The following SMG5 variants were observed in gnomAD, a reference collection of about 807,000 sequenced individuals.
The protein encoded by SMG5 is SMG5 nonsense mediated mRNA decay factor, also known as nonsense-mediated mRNA decay factor SMG5.
SMG5 carries 53 observed loss-of-function variants against 122.9 expected under a neutral mutation model. The observed-to-expected ratio is 0.43, with a 90% confidence interval of 0.35 to 0.54. The LOEUF (loss-of-function observed/expected upper bound fraction) is 0.54. Ranked by LOEUF, SMG5 falls within the 20% of genes least tolerant of loss-of-function variation. The probability of loss-of-function intolerance (pLI) is 0.01; values close to 1 mark genes in which losing one functional copy is unlikely to be tolerated. For missense variants in SMG5, 1,153 were observed against 1,285.6 expected, an observed-to-expected ratio of 0.90 and a Z score of 1.58; for synonymous variants, 477 against 490.2, an observed-to-expected ratio of 0.97 and a Z score of 0.35.
upstream of SMG5, chr1:156,285,827 G>A (rs764107814): frequency 1.2e-6 from 2 of 1,613,624 alleles, no homozygotes; most frequent in South Asian, 1.1e-5. Context: ...GCTAAGGGCT[G>A]TGGCCTCCGT....
intron 7 of SMG5, among the ~76,000 whole-genome samples, chr1:156,271,587 T>C (rs980978140): frequency 6.8e-6 from 1 of 146,838 alleles, no homozygotes; most frequent in East Asian, 2.0e-4. Context: ...TTTTTTTTTT[T>C]TTTTGAGATG....
the SMG5 span, among the ~76,000 whole-genome samples, chr1:156,288,046 C>G: frequency 6.6e-6 from 1 of 151,726 alleles, no homozygotes; most frequent in Non-Finnish European, 1.5e-5. Flanking sequence ...AACCCCGTCT[C>G]TATTAAAAAT....
Position 156,251,485 on chromosome 1 carries a change from G to A in SMG5, c.2754-8C>T. ...TTCTGGCAGCGAATGTACCTGCAGAGGAGATGTGCGAGTGGAGGTCAGGAG... is the reference window on the plus strand; with the variant it reads ...TTCTGGCAGCGAATGTACCTGCAGAAGAGATGTGCGAGTGGAGGTCAGGAG... On this transcript the variant is annotated splice_region_variant and splice_polypyrimidine_tract_variant and intron_variant, in intron 19 of 21. Transcript: ENST00000361813. The A allele has an allele frequency of 6.2e-7, 1 of 1,613,566 alleles. No homozygotes were observed.
At chr1:156,267,343 CCAAG>C (rs971023056) in intron 10 of SMG5, 123 bp downstream of exon 10, 5 of 941,568 alleles carry the variant, frequency 5.3e-6, no homozygotes, top group South Asian at 3.2e-5. Flanking sequence ...TTGCCCACAG[CCAAG>C]CAGTGACACA....
chr1:156,289,436 G>A, the SMG5 span, among the ~76,000 whole-genome samples: 2 of 152,140 alleles, frequency 1.3e-5, no homozygotes, highest in Admixed American at 6.5e-5. Flanking sequence ...GTGAAACCAC[G>A]TCTCTACTAA....
rs1661704272 is a variant in SMG5 at position 156,259,154 on chromosome 1, G to A, written c.2293C>T (p.Arg765Cys). 1.9e-6 allele frequency: 3 copies of A among 1,580,502 alleles called. No homozygotes were observed. The South Asian group carries it at 3.5e-5, about 19-fold the overall frequency. The change falls in exon 16 of 22, where the codon CGC becomes TGC. Residue 765 changes from arginine to cysteine, a missense_variant. Around this residue, in one of 5 missense-constraint regions of SMG5, gnomAD observed 631 missense variants for 650.6 expected, o/e 0.97. Transcript: ENST00000361813. ...CCAAAGCTGCGGATGCAGCAGATGC[G>A]CACCACTGACTGTGGGGAGATACAG... ...LLSTLEESVV[R>C]ICCIRSFGHF...
At position 156,260,167 on chromosome 1, in the gene SMG5, T is replaced by A. The variant is rs1352718922; in HGVS notation, c.2283+284A>T. Among the ~76,000 whole-genome samples the A allele has an allele frequency of 2.0e-5, 3 of 152,080 alleles. No homozygotes were observed. In the South Asian group the frequency reaches 6.2e-4, roughly 32 times the overall value. The stretch of plus-strand genomic sequence containing the variant: ...ACTGATAAAGATTTCGAAGCCCTAA[T>A]AACTATTTGTTCTGCCCTTTACAGA... On this transcript the variant is annotated intron_variant, in intron 15 of 21. Transcript: ENST00000361813.
At position 156,266,537 on chromosome 1, in the gene SMG5, C is replaced by CCA; in HGVS notation, c.1255+2_1255+3dup. On this transcript the variant is annotated splice_donor_region_variant and intron_variant, in intron 11 of 21. Transcript: ENST00000361813. ...CATAGTGATGACCTCCCCGATTCTC[C>CCA]CACCTGTGCCATCACTCTGGAATGC... The CCA allele has an allele frequency of 6.2e-7, 1 of 1,614,154 alleles. No individual in the cohort carries two copies. The highest frequency in any genetic ancestry group is 8.5e-7 in the Non-Finnish European group (1 of 1,180,022).
the SMG5 span, among the ~76,000 whole-genome samples, chr1:156,289,398 G>A: frequency 2.0e-5 from 3 of 152,220 alleles, no homozygotes; most frequent in Non-Finnish European, 2.9e-5. Context: ...CACCAGGTCA[G>A]GAGATCGAGA....
At position 156,250,675 on chromosome 1, in the gene SMG5, G is replaced by A. The variant is rs1158562245; in HGVS notation, c.2968-5C>T. ...GGCAGCGGCCTGCAGGGCTGCCTGT[G>A]GAATGGGAGAAGGAAAGATGGAGAG... On this transcript the variant is annotated splice_polypyrimidine_tract_variant and splice_region_variant and intron_variant, in intron 21 of 21. Transcript: ENST00000361813. 2 of 1,613,964 alleles carry A rather than the reference G, an allele frequency of 1.2e-6. No individual in the cohort carries two copies. The highest frequency in any genetic ancestry group is 3.3e-5 in the Admixed American group (2 of 60,026).
rs1403160648 is a variant in SMG5 at position 156,250,955 on chromosome 1, A to G, written c.2870T>C (p.Leu957Pro). The G allele has an allele frequency of 6.2e-7, 1 of 1,614,072 alleles. No individual in the cohort carries two copies. The highest frequency in any genetic ancestry group is 1.1e-5 in the South Asian group (1 of 91,078). ...ATCCTCCTCACCTGCCCCCTGGGCC[A>G]GAGTCAGCTGTTTGCAGCTGTCTAG... ...KILDSCKQLT[L>P]AQGAGEEDPS... Residue 957 changes from leucine (L) to proline (P), a missense_variant, in exon 21 of 22, where the codon CTG becomes CCG. Physicochemically the swap from Leu to Pro is moderately conservative, Grantham distance 98. Coordinates refer to ENST00000361813, the MANE Select transcript of SMG5 (RefSeq NM_015327.3).
intron 12 of SMG5, among the ~76,000 whole-genome samples, chr1:156,265,407 A>G (rs1228444126): frequency 6.6e-6 from 1 of 152,142 alleles, no homozygotes; most frequent in Non-Finnish European, 1.5e-5. Context: ...CTCAGGAGAG[A>G]AGTCTCACTC....
In SMG5 at chr1:156,272,317, C is replaced by T. The variant is rs747321841; in HGVS notation, c.713+3G>A. 6.3e-7 allele frequency: 1 copy of T among 1,590,316 alleles called. No individual in the cohort carries two copies. Among genetic ancestry groups the T allele is most frequent in the Admixed American group, 1.7e-5 (1 of 57,772 alleles). ...GCTGGAAAAAGAGCTGGCAAATACT[C>T]ACCAGCGCAGGTAGCAATACATGGC... On this transcript the variant is annotated splice_donor_region_variant and intron_variant, in intron 7 of 21. Coordinates refer to ENST00000361813, the MANE Select transcript of SMG5 (RefSeq NM_015327.3).
chr1:156,262,138 T>A (rs1661872777), intron 13 of SMG5, among the ~76,000 whole-genome samples: 2 of 152,072 alleles, frequency 1.3e-5, no homozygotes, highest in African/African-American at 4.8e-5. Context: ...GGCAGGCAGA[T>A]CACTTGAGGT....
rs1202068556 is a variant in SMG5, at chr1:156,282,762, G to A, written c.-82C>T. 1.4e-6 allele frequency: 2 copies of A among 1,409,498 alleles called. No individual in the cohort carries two copies. Among genetic ancestry groups the A allele is most frequent in the Non-Finnish European group, 1.9e-6 (2 of 1,054,214 alleles). The allele number at this position is 1,409,498 out of a possible 1,614,324, so 87.3% of individuals were successfully genotyped here. On this transcript the variant is annotated 5_prime_UTR_variant, in exon 1 of 22. Coordinates refer to ENST00000361813, the MANE Select transcript of SMG5 (RefSeq NM_015327.3). Reference sequence around the variant, plus strand: ...GCCAACACTGCCGTCTCCGGCCGTAGCCGCAGCCGCCGCCGCCACCGGCCC... The same window carrying A: ...GCCAACACTGCCGTCTCCGGCCGTAACCGCAGCCGCCGCCGCCACCGGCCC...
At chr1:156,261,724 C>T (rs1661846891) in intron 13 of SMG5, among the ~76,000 whole-genome samples, 1 of 151,906 alleles carries the variant, frequency 6.6e-6, no homozygotes, top group Admixed American at 6.6e-5. Flanking sequence ...CCCATCCCTA[C>T]TAAAAATACA....
At chr1:156,283,287 G>T (rs895713966), upstream of SMG5, among the ~76,000 whole-genome samples, 4 of 152,200 alleles carry the variant, frequency 2.6e-5, no homozygotes, top group African/African-American at 9.7e-5. Flanking sequence ...AGCCCCGGAA[G>T]AAATGACTTG....
Position 156,266,546 on chromosome 1 carries a change from C to A in SMG5, c.1250G>T (p.Gly417Val). The A allele has an allele frequency of 6.2e-7, 1 of 1,614,174 alleles. No homozygotes were observed. The highest frequency in any genetic ancestry group is 8.5e-7 in the Non-Finnish European group (1 of 1,180,028). ...GACCTCCCCGATTCTCCCACCTGTGCCATCACTCTGGAATGCCGGGACGGG... is the reference window on the plus strand; with the variant it reads ...GACCTCCCCGATTCTCCCACCTGTGACATCACTCTGGAATGCCGGGACGGG... ...ENPVPAFQSDGTDEPESKEPV... is the reference protein window; with the variant it reads ...ENPVPAFQSDVTDEPESKEPV... Residue 417 changes from glycine to valine, a missense_variant, in exon 11 of 22, where the codon GGC becomes GTC. This residue lies in a region of SMG5 where 631 missense variants were observed against 650.6 expected (regional missense o/e 0.97). Transcript: ENST00000361813.
At chr1:156,265,722 G>A (rs1662093745) in intron 12 of SMG5, 59 bp downstream of exon 12, 1 of 1,566,118 alleles carries the variant, frequency 6.4e-7, no homozygotes, top group Non-Finnish European at 8.7e-7. Context: ...GGCCTCTCTG[G>A]TGAGTGTCTA....
Sources: allele counts gnomAD v4.1 joint callset (sites outside exome capture counted in the v4.1 genomes callset), GRCh38; gene constraint gnomAD v4.1.1; regional missense constraint gnomAD v4.1.1; transcripts MANE v1.5; gene names NCBI Gene and HGNC (gene_info 2026-07-23, HGNC 2026-07-21).